The following PNPLA7 variants were observed in gnomAD, a reference collection of about 807,000 sequenced individuals.
PNPLA7 encodes the protein patatin like domain 7, lysophospholipase.
Under a neutral mutation model 161.7 loss-of-function variants are expected in PNPLA7, and 153 were observed. The observed-to-expected ratio is 0.95, with a 90% CI of 0.83 to 1.08. The LOEUF (loss-of-function observed/expected upper bound fraction) is 1.08. Among genes scored for constraint, PNPLA7 ranks in the 50% least tolerant of loss-of-function variants. PNPLA7 has a pLI of 0.00. For missense variants in PNPLA7, 1,739 were observed against 1,856.6 expected, an observed-to-expected ratio of 0.94 and a Z score of 1.16; for synonymous variants, 809 against 782.1, an observed-to-expected ratio of 1.03 and a Z score of -0.57.
intron 20 of PNPLA7, among the ~76,000 whole-genome samples, chr9:137,487,077 G>T (rs1367740047): frequency 2.0e-5 from 3 of 151,720 alleles, no homozygotes; most frequent in South Asian, 4.1e-4. Flanking sequence ...TTCCTGACTG[G>T]CTTCCTGAGC....
chr9:137,479,464 G>A (rs1588560568), intron 23 of PNPLA7: 1 of 1,235,650 alleles, frequency 8.1e-7, no homozygotes, highest in East Asian at 3.2e-5. Flanking sequence ...CGGCAGGAGG[G>A]GGACGCCTCC....
At chr9:137,495,601 G>A (rs999314030) in intron 18 of PNPLA7, among the ~76,000 whole-genome samples, 3 of 152,020 alleles carry the variant, frequency 2.0e-5, no homozygotes, top group East Asian at 3.9e-4. Flanking sequence ...CCACCACCAC[G>A]CCCGGCTAGT....
At chr9:137,488,377 T>G (rs1832599729) in intron 20 of PNPLA7, among the ~76,000 whole-genome samples, 1 of 152,198 alleles carries the variant, frequency 6.6e-6, no homozygotes, top group Non-Finnish European at 1.5e-5. Flanking sequence ...GGGAGGCCAT[T>G]GCTAGTTCCA....
intron 25 of PNPLA7, among the ~76,000 whole-genome samples, chr9:137,470,850 C>T (rs535565501): frequency 6.6e-6 from 1 of 152,310 alleles, no homozygotes; most frequent in African/African-American, 2.4e-5. Context: ...AAAATACAAT[C>T]ATCTCGATAG....
At chr9:137,495,457 TC>T in intron 18 of PNPLA7, among the ~76,000 whole-genome samples, 1 of 151,928 alleles carries the variant, frequency 6.6e-6, no homozygotes, top group Admixed American at 6.5e-5. Flanking sequence ...TTTTTTTTTT[TC>T]TTGGAGACGG....
chr9:137,484,612 C>A lies in PNPLA7; in HGVS notation c.2322G>T (p.Glu774Asp). ...EEVPLTAFALELEHALSAIGP... is the reference protein window; with the variant it reads ...EEVPLTAFALDLEHALSAIGP... ...CGATGGCGCTGAGGGCATGCTCCAG[C>A]TCCAGGGCGAAGGCGGTGAGGGGCA... The change falls in exon 21 of 35, where the codon GAG becomes GAT. Residue 774 changes from glutamate to aspartate, a missense_variant. Coordinates refer to ENST00000406427, the MANE Select transcript of PNPLA7 (RefSeq NM_001098537.3). 6.2e-7 allele frequency: 1 copy of A among 1,611,430 alleles called. No individual in the cohort carries two copies.
In PNPLA7 at chr9:137,492,376, A is replaced by G. The variant is rs188939971; in HGVS notation, c.2197+637T>C. The G allele has an allele frequency of 7.0e-4, 685 of 975,056 alleles. 2 individuals carry two copies. Among genetic ancestry groups the G allele is most frequent in the Non-Finnish European group, 7.8e-4 (645 of 821,696 alleles). The allele number at this position is 975,056 out of a possible 1,614,324, so 60.4% of individuals were successfully genotyped here. On this transcript the variant is annotated intron_variant, in intron 20 of 34. Transcript: ENST00000406427. ...TATCACATTTCATCTTTTCACATAT[A>G]GCAGAGCTTTCCTCCAGTGCTGCCC...
chr9:137,470,906 A>G (rs1831673893), intron 25 of PNPLA7, among the ~76,000 whole-genome samples: 1 of 152,242 alleles, frequency 6.6e-6, no homozygotes, highest in Non-Finnish European at 1.5e-5. Flanking sequence ...CAGGAAACTG[A>G]GAATAAAAGG....
At chr9:137,475,270 G>A (rs1000457532) in intron 25 of PNPLA7, among the ~76,000 whole-genome samples, 11 of 152,170 alleles carry the variant, frequency 7.2e-5, no homozygotes, top group Non-Finnish European at 1.6e-4. Context: ...CCAGCACTCT[G>A]GGAGGCTGAG....
In PNPLA7 at chr9:137,464,119, T is replaced by A. The variant is rs200833570; in HGVS notation, c.3226+7A>T. The A allele has an allele frequency of 1.8e-5, 29 of 1,612,662 alleles. No individual in the cohort carries two copies. Among genetic ancestry groups the A allele is most frequent in the Non-Finnish European group, 2.5e-6 (3 of 1,179,720 alleles). On this transcript the variant is annotated splice_region_variant and intron_variant, in intron 28 of 34. Transcript: ENST00000406427. ...AAGCGGCCGCCCTGCGCAGCAGGAG[T>A]GCTCACCGTCGGTGTGGACCCGCAT... is the stretch of plus-strand genomic sequence containing the variant.
At chr9:137,463,337 C>A in intron 29 of PNPLA7, 78 bp downstream of exon 29, 1 of 1,272,810 alleles carries the variant, frequency 7.9e-7, no homozygotes, top group East Asian at 2.5e-5. Context: ...GGAGCGGAGG[C>A]AGCTGTGGCA....
At chr9:137,497,969 TG>T in intron 17 of PNPLA7, 144 bp downstream of exon 17, 1 of 1,282,544 alleles carries the variant, frequency 7.8e-7, no homozygotes, top group Non-Finnish European at 1.1e-6. Context: ...TAAGCTGGGG[TG>T]GGGCTGGGGA....
Position 137,541,009 on chromosome 9 carries a change from T to TTTATA in PNPLA7, c.667-288_667-287insTATAA, listed in dbSNP as rs1836173507. 6.6e-6 allele frequency among the ~76,000 whole-genome samples: 1 copy of TTTATA among 152,202 alleles called. No individual in the cohort carries two copies. Among genetic ancestry groups the TTTATA allele is most frequent in the Non-Finnish European group, 1.5e-5 (1 of 68,026 alleles). On this transcript the variant is annotated intron_variant, in intron 7 of 34. Transcript: ENST00000406427. The surrounding 1 kb of genome is among the most constrained non-coding windows in gnomAD (Gnocchi z 4.4). ...GACTGAGGCAAAAGCTCGCAGAGCC[T>TTTATA]GTTTGTTTGCTGAGCTAACTATAAG...
rs1161339100 is a variant in PNPLA7, at chr9:137,547,934, A to G, written c.31-275T>C. 6.6e-6 allele frequency among the ~76,000 whole-genome samples: 1 copy of G among 152,118 alleles called. No individual in the cohort carries two copies. The highest frequency in any genetic ancestry group is 1.5e-5 in the Non-Finnish European group (1 of 68,008). On this transcript the variant is annotated intron_variant, in intron 1 of 34. Transcript: ENST00000406427. This position sits in a 1 kb window ranked among gnomAD's most constrained non-coding sequence, Gnocchi z 4.6. Reference sequence around the variant, plus strand: ...TAACACACCCACATGCTGGTGATGCAATCCTTGGGATGCAGGTCTCAGGGA... The same window carrying G: ...TAACACACCCACATGCTGGTGATGCGATCCTTGGGATGCAGGTCTCAGGGA...
At position 137,460,118 on chromosome 9, in the gene PNPLA7, G is replaced by A. The variant is rs547459812; in HGVS notation, c.*275C>T. 7 of 358,182 alleles carry A rather than the reference G, an allele frequency of 2.0e-5. No individual in the cohort carries two copies. The highest frequency in any genetic ancestry group is 1.1e-4 in the East Asian group (2 of 17,634). 22.2% of individuals were successfully genotyped at this position (358,182 alleles called of 1,614,324 possible). A position where few individuals can be genotyped will look rare whatever the true frequency, so the allele number is the denominator to read the frequency against. ...GCTTCGGGGGGCCTCACAGGGCTTC[G>A]GGGGGCCTCACAGGGCTGCAGGGGG... On this transcript the variant is annotated 3_prime_UTR_variant, in exon 35 of 35. Coordinates refer to ENST00000406427, the MANE Select transcript of PNPLA7 (RefSeq NM_001098537.3).
At chr9:137,463,868 AT>A (rs988580565) in intron 28 of PNPLA7, among the ~76,000 whole-genome samples, 5 of 151,980 alleles carry the variant, frequency 3.3e-5, no homozygotes, top group African/African-American at 1.2e-4. Context: ...GTCCTCTCAC[AT>A]GGTATCCATC....
rs552316728 is a variant in PNPLA7 at position 137,523,988 on chromosome 9, C to T, written c.748-1131G>A. ...GAAAAGCCTTCTGTTTACATCACGCCGTCACCTGCATGCAGAGGCAGATTC... is the reference window on the plus strand; with the variant it reads ...GAAAAGCCTTCTGTTTACATCACGCTGTCACCTGCATGCAGAGGCAGATTC... On this transcript the variant is annotated intron_variant, in intron 8 of 34. Transcript: ENST00000406427. This position sits in a 1 kb window ranked among gnomAD's most constrained non-coding sequence, Gnocchi z 4.4. Among the ~76,000 whole-genome samples, 7 of 152,286 alleles carry T rather than the reference C, an allele frequency of 4.6e-5. No individual in the cohort carries two copies. The highest frequency in any genetic ancestry group is 1.4e-4 in the African/African-American group (6 of 41,552).
chr9:137,534,899 G>C (rs821305), intron 8 of PNPLA7, among the ~76,000 whole-genome samples: 2 of 137,014 alleles, frequency 1.5e-5, no homozygotes, highest in African/African-American at 3.2e-5. Context: ...CAAGTCCCTC[G>C]AACCGCGCGT....
Position 137,461,566 on chromosome 9 carries a change from T to C in PNPLA7, c.3811A>G (p.Ile1271Val). The change falls in exon 33 of 35, where the codon ATT (isoleucine) becomes GTT (valine). Residue 1271 changes from isoleucine (I) to valine (V), a missense_variant. By Grantham distance (29) the Ile-to-Val change is conservative. This residue lies in a region of PNPLA7 where 703 missense variants were observed against 694.6 expected (regional missense o/e 1.01). Transcript: ENST00000406427. ...FTDLAEIVSR[I>V]EPAKPAMVDD... The stretch of plus-strand genomic sequence containing the variant: ...ACCATGGCGGGCTTGGCGGGCTCAA[T>C]GCGAGACACAATTTCGGCAAGGTCC... 1 of 1,612,612 alleles carries C rather than the reference T, an allele frequency of 6.2e-7. No homozygotes were observed. Among genetic ancestry groups the C allele is most frequent in the Non-Finnish European group, 8.5e-7 (1 of 1,179,594 alleles).
Sources: gnomAD v4.1 joint callset for allele counts (sites outside exome capture counted in the v4.1 genomes callset) on GRCh38, gnomAD v4.1.1 for gene constraint, gnomAD v4.1.1 regional missense constraint, Gnocchi (gnomAD v3.1) non-coding constraint, MANE v1.5 for transcripts, NCBI Gene and HGNC (gene_info 2026-07-23, HGNC 2026-07-21) for gene names.